FRMD4A: variants seen among roughly 807,000 people sequenced by gnomAD.
The protein encoded by FRMD4A is FERM domain containing 4A, also known as FERM domain-containing protein 4A.
FRMD4A carries 29 observed loss-of-function variants against 129.1 expected under a neutral mutation model. The observed-to-expected ratio is 0.22, with a 90% CI of 0.17 to 0.31. The LOEUF (loss-of-function observed/expected upper bound fraction) is 0.31. Among genes scored for constraint, FRMD4A ranks in the 10% least tolerant of loss-of-function variants. FRMD4A has a pLI of 1.00. For missense variants in FRMD4A, 1,272 were observed against 1,375.8 expected (o/e 0.92, Z 1.19); for synonymous variants, 634 against 571.6 (o/e 1.11, Z -1.56).
rs2083412399 is a variant in FRMD4A, at chr10:13,670,333, A to G, written c.1374+73T>C. 6.6e-6 allele frequency: 10 copies of G among 1,504,666 alleles called. No homozygotes were observed. The South Asian group carries it at 1.0e-4, about 16-fold the overall frequency. The allele number at this position is 1,504,666 out of a possible 1,614,324, so 93.2% of individuals were successfully genotyped here. ...AGAAATGAAGAAATTGGTACAGAAA[A>G]CCTGGAAGGCCTGACCAATGGGAAA... is the stretch of plus-strand genomic sequence containing the variant. On this transcript the variant is annotated intron_variant, in intron 17 of 24. Transcript: ENST00000357447.
chr10:14,080,034 T>A (rs1381147), intron 2 of FRMD4A, among the ~76,000 whole-genome samples: 10,506 of 152,206 alleles, frequency 0.069, 529 homozygotes, highest in East Asian at 0.21. Context: ...CCCTTGGACC[T>A]CCTGCCTGGA....
At position 13,655,532 on chromosome 10, in the gene FRMD4A, G is replaced by A. The variant is rs909934370; in HGVS notation, c.2954-1020C>T. 4.5e-5 allele frequency: 6 copies of A among 132,150 alleles called. No homozygotes were observed. The South Asian group carries it at 1.4e-3, about 32-fold the overall frequency. The allele number at this position is 132,150 out of a possible 1,614,324, so 8.2% of individuals were successfully genotyped here. A position where few individuals can be genotyped will look rare whatever the true frequency, so the allele number is the denominator to read the frequency against. Reference sequence around the variant, plus strand: ...ACCTGATCTTTGGAGCTTGTCATTTGGCCAGTGGACCCTAATAAACGTCCA... The same window carrying A: ...ACCTGATCTTTGGAGCTTGTCATTTAGCCAGTGGACCCTAATAAACGTCCA... On this transcript the variant is annotated intron_variant, in intron 22 of 24. Transcript: ENST00000357447.
At chr10:13,987,349 C>T (rs941746289) in intron 2 of FRMD4A, among the ~76,000 whole-genome samples, 1 of 152,054 alleles carries the variant, frequency 6.6e-6, no homozygotes, top group African/African-American at 2.4e-5. Context: ...TCCCACCCCT[C>T]CCATGAAAAA....
At chr10:13,942,996 G>A (rs189736756) in intron 2 of FRMD4A, among the ~76,000 whole-genome samples, 5 of 152,242 alleles carry the variant, frequency 3.3e-5, no homozygotes, top group Admixed American at 2.0e-4. Context: ...GAAGCAAGAC[G>A]TCTTGTGGTT....
chr10:13,668,653 CGCGGTACTGAGAT>C (rs1455817995), intron 17 of FRMD4A, among the ~76,000 whole-genome samples: 2 of 152,104 alleles, frequency 1.3e-5, no homozygotes, highest in African/African-American at 2.4e-5. Flanking sequence ...GCTAAAGTCC[CGCGGTACTGAGAT>C]GCGTGAAAGG....
At chr10:14,097,715 G>T (rs1385035008) in intron 2 of FRMD4A, among the ~76,000 whole-genome samples, 6 of 150,576 alleles carry the variant, frequency 4.0e-5, no homozygotes, top group African/African-American at 1.5e-4. Flanking sequence ...TATATTTTAG[G>T]GTGTCCAGTA....
chr10:13,682,349 G>A (rs7099224), intron 15 of FRMD4A, among the ~76,000 whole-genome samples: 1,631 of 152,228 alleles, frequency 0.011, 33 homozygotes, highest in African/African-American at 0.038. Context: ...GCTTGCAGAT[G>A]TACCACCCAC....
rs1833806443 is a variant in FRMD4A at position 14,042,227 on chromosome 10, G to C, written c.46-183315C>G. On this transcript the variant is annotated intron_variant, in intron 2 of 24. Transcript: ENST00000357447. ...CTTATACTGGTCCAAGCAAGCATTA[G>C]GTCATAGCCTGTTCCTCTTCCTTAT... 2.6e-5 allele frequency among the ~76,000 whole-genome samples: 4 copies of C among 152,312 alleles called. No individual in the cohort carries two copies. The South Asian group carries it at 8.3e-4, about 32-fold the overall frequency.
chr10:13,753,620 C>A (rs2091732851), intron 8 of FRMD4A, among the ~76,000 whole-genome samples: 2 of 146,818 alleles, frequency 1.4e-5, no homozygotes, highest in African/African-American at 5.0e-5. Context: ...TCATGGCTCA[C>A]TGCAGCCTCC....
intron 2 of FRMD4A, among the ~76,000 whole-genome samples, chr10:13,927,547 C>A (rs1223238742): frequency 6.6e-6 from 1 of 152,170 alleles, no homozygotes; most frequent in East Asian, 1.9e-4. Flanking sequence ...GGTACAAGTT[C>A]TACAAGGAGC....
At chr10:13,764,766 CA>C (rs1476512958) in intron 6 of FRMD4A, among the ~76,000 whole-genome samples, 1 of 152,136 alleles carries the variant, frequency 6.6e-6, no homozygotes, top group Non-Finnish European at 1.5e-5. Context: ...CCTAGTATCA[CA>C]AGATCCCATA....
At chr10:13,727,143 C>G (rs2089956038) in intron 12 of FRMD4A, among the ~76,000 whole-genome samples, 1 of 152,086 alleles carries the variant, frequency 6.6e-6, no homozygotes, top group Non-Finnish European at 1.5e-5. Flanking sequence ...CTCAAGTGAC[C>G]CACCTGCCTC....
At chr10:14,118,493 G>A (rs1838318289) in intron 2 of FRMD4A, among the ~76,000 whole-genome samples, 1 of 152,164 alleles carries the variant, frequency 6.6e-6, no homozygotes. Flanking sequence ...GCATTCAGTG[G>A]TGGGACTTTG....
At chr10:14,103,598 G>A (rs549899230) in intron 2 of FRMD4A, among the ~76,000 whole-genome samples, 6 of 152,290 alleles carry the variant, frequency 3.9e-5, no homozygotes, top group Admixed American at 3.9e-4. Flanking sequence ...AGTACATCTA[G>A]TAAGCATTAG....
intron 2 of FRMD4A, among the ~76,000 whole-genome samples, chr10:13,940,799 T>A (rs2095285648): frequency 6.6e-6 from 1 of 152,202 alleles, no homozygotes; most frequent in South Asian, 2.1e-4. Flanking sequence ...TTTTCTTATC[T>A]ATAGATTCAT....
intron 12 of FRMD4A, among the ~76,000 whole-genome samples, chr10:13,733,568 G>A (rs1006326354): frequency 1.1e-4 from 16 of 152,192 alleles, no homozygotes; most frequent in South Asian, 2.1e-4. Context: ...GATTATAGGC[G>A]CCCCGCCCCC....
Position 14,060,166 on chromosome 10 carries a change from T to C in FRMD4A, c.46-201254A>G, listed in dbSNP as rs560072192. Reference sequence around the variant, plus strand: ...CTTATTTAATTATCACATACAATACTTTCCATTTTCTGTAGTGTGGCAAAA... The same window carrying C: ...CTTATTTAATTATCACATACAATACCTTCCATTTTCTGTAGTGTGGCAAAA... On this transcript the variant is annotated intron_variant, in intron 2 of 24. Coordinates refer to ENST00000357447, the MANE Select transcript of FRMD4A (RefSeq NM_018027.5). Among the ~76,000 whole-genome samples, 21 of 152,360 alleles carry C rather than the reference T, an allele frequency of 1.4e-4. No homozygotes were observed. The East Asian group carries it at 3.9e-3, about 28-fold the overall frequency.
In FRMD4A at chr10:14,036,876, G is replaced by A. The variant is rs79989016; in HGVS notation, c.46-177964C>T. 7.8e-4 allele frequency among the ~76,000 whole-genome samples: 118 copies of A among 152,186 alleles called. 1 individual carries two copies. In the East Asian group the frequency reaches 0.013, roughly 16 times the overall value. ...GGCAAGAATACAGGCATGCTCCACC[G>A]TGCCCAGTTGGGAGCAACCCAATTC... On this transcript the variant is annotated intron_variant, in intron 2 of 24. Coordinates refer to ENST00000357447, the MANE Select transcript of FRMD4A (RefSeq NM_018027.5).
At chr10:13,841,391 C>T (rs534297790) in intron 3 of FRMD4A, among the ~76,000 whole-genome samples, 34 of 152,254 alleles carry the variant, frequency 2.2e-4, no homozygotes, top group African/African-American at 7.7e-4. Context: ...TTTACGCTAA[C>T]GAGAATGACT....
Sources: allele counts gnomAD v4.1 joint callset (sites outside exome capture counted in the v4.1 genomes callset), GRCh38; gene constraint gnomAD v4.1.1; transcripts MANE v1.5; gene names NCBI Gene and HGNC (gene_info 2026-07-23, HGNC 2026-07-21).